FBXO27: variants seen among roughly 807,000 people sequenced by gnomAD.
FBXO27 encodes F-box only protein 27.
In FBXO27, 28 loss-of-function variants were observed where a neutral mutation model predicts 28.3. That is an observed-to-expected ratio of 0.99 (90% CI 0.73 to 1.36). FBXO27 has a LOEUF of 1.36. Among genes scored for constraint, FBXO27 ranks in the 40% most tolerant of loss-of-function variants. The pLI is 0.00. For missense variants in FBXO27, 388 were observed against 394.1 expected (o/e 0.98, Z 0.13); for synonymous variants, 175 against 167.3 (o/e 1.05, Z -0.36).
chr19:39,018,356 G>A (rs1263254060), intron 1 of FBXO27, among the ~76,000 whole-genome samples: 3 of 152,184 alleles, frequency 2.0e-5, no homozygotes, highest in Non-Finnish European at 4.4e-5. Flanking sequence ...TTATTGCAGT[G>A]AGCTGAAGTG....
At position 39,025,543 on chromosome 19, in the gene FBXO27, C is replaced by A; in HGVS notation, c.720G>T (p.Val240=). ...NNNACLHVTH[V]FSNIKMGVRF... Reference sequence around the variant, plus strand: ...GGACGCCCATCTTGATGTTGGAGAACACGTGGGTGACCTGTAGGCAGAGGA... The same window carrying A: ...GGACGCCCATCTTGATGTTGGAGAAAACGTGGGTGACCTGTAGGCAGAGGA... The change falls in exon 6 of 6, where the codon GTG becomes GTT. Residue 240 remains valine, a synonymous_variant. Transcript: ENST00000292853. 1 of 1,613,700 alleles carries A rather than the reference C, an allele frequency of 6.2e-7. No individual in the cohort carries two copies. The highest frequency in any genetic ancestry group is 1.1e-5 in the South Asian group (1 of 90,974).
chr19:39,015,415 G>A (rs1210937683), intron 1 of FBXO27, among the ~76,000 whole-genome samples: 1 of 148,596 alleles, frequency 6.7e-6, no homozygotes, highest in Non-Finnish European at 1.5e-5. Flanking sequence ...CGGATTGCTT[G>A]AGCCCAAGTG....
chr19:39,021,475 A>C (rs979115756), downstream of FBXO27, among the ~76,000 whole-genome samples: 6 of 152,142 alleles, frequency 3.9e-5, no homozygotes, highest in Non-Finnish European at 8.8e-5. Context: ...TGAATAGTAA[A>C]TGTACTTTCT....
chr19:39,026,188 G>A (rs2072872104), intron 5 of FBXO27, among the ~76,000 whole-genome samples: 1 of 152,092 alleles, frequency 6.6e-6, no homozygotes, highest in Admixed American at 6.6e-5. Flanking sequence ...CCTCCTCCCT[G>A]AGCAACCACA....
chr19:39,007,057 C>CAA (rs34457510), intron 2 of FBXO27, among the ~76,000 whole-genome samples: 25,734 of 57,202 alleles, frequency 0.45, 5,450 homozygotes, highest in Middle Eastern at 0.53. Context: ...TGGGTGTCTC[C>CAA]AAAAAAAAAA....
intron 1 of FBXO27, among the ~76,000 whole-genome samples, chr19:39,015,667 G>A (rs181565131): frequency 1.3e-5 from 2 of 152,206 alleles, no homozygotes; most frequent in African/African-American, 4.8e-5. Context: ...AAGACCTGGA[G>A]GAACCTTAAC....
intron 1 of FBXO27, among the ~76,000 whole-genome samples, chr19:39,016,087 C>T (rs766105873): frequency 5.9e-5 from 9 of 152,068 alleles, no homozygotes; most frequent in African/African-American, 1.2e-4. Flanking sequence ...AAATACAAAA[C>T]GAAACAAACA....
intron 1 of FBXO27, among the ~76,000 whole-genome samples, chr19:39,015,349 G>T (rs1234836674): frequency 2.3e-5 from 3 of 130,038 alleles, no homozygotes; most frequent in East Asian, 2.2e-4. Context: ...AAAAAAAAAA[G>T]GCTGAGTGTG....
intron 4 of FBXO27, among the ~76,000 whole-genome samples, chr19:39,027,966 C>T (rs1361959788): frequency 2.0e-5 from 3 of 151,886 alleles, no homozygotes; most frequent in Non-Finnish European, 2.9e-5. Flanking sequence ...CCTGTCTGGG[C>T]GAGGTGGCTC....
chr19:39,031,003 G>A, intron 4 of FBXO27, 26 bp downstream of exon 4: 2 of 1,591,828 alleles, frequency 1.3e-6, no homozygotes, highest in Non-Finnish European at 1.7e-6. Context: ...TGCTTAGCAA[G>A]GGGCTATTTT....
intron 4 of FBXO27, among the ~76,000 whole-genome samples, chr19:39,027,661 T>C (rs1174660563): frequency 6.6e-6 from 1 of 151,954 alleles, no homozygotes; most frequent in Admixed American, 6.6e-5. Context: ...GAAGGTGGTT[T>C]TGGAAGTCCT....
At chr19:39,011,519 C>T (rs1448527316) in intron 2 of FBXO27, among the ~76,000 whole-genome samples, 3 of 152,160 alleles carry the variant, frequency 2.0e-5, no homozygotes, top group African/African-American at 2.4e-5. Flanking sequence ...TAAAGTCTTC[C>T]AGTTGATGAA....
intron 4 of FBXO27, among the ~76,000 whole-genome samples, chr19:39,030,112 G>C (rs2072894134): frequency 6.6e-6 from 1 of 152,082 alleles, no homozygotes; most frequent in South Asian, 2.1e-4. Flanking sequence ...AGAGTGCTGG[G>C]ATTACAGGCA....
chr19:39,017,927 T>C (rs564053379), intron 1 of FBXO27, among the ~76,000 whole-genome samples: 57 of 152,156 alleles, frequency 3.7e-4, no homozygotes, highest in Non-Finnish European at 6.3e-4. Context: ...CAAGTCCTTA[T>C]ATAAAATGCA....
chr19:39,007,101 G>A (rs984805436), intron 2 of FBXO27, among the ~76,000 whole-genome samples: 22 of 148,216 alleles, frequency 1.5e-4, no homozygotes, highest in African/African-American at 5.0e-4. Context: ...CAATCCCAGA[G>A]GGCACACGTG....
downstream of FBXO27, among the ~76,000 whole-genome samples, chr19:39,019,070 A>C (rs1600224831): frequency 8.1e-3 from 1 of 124 alleles, no homozygotes; most frequent in Non-Finnish European, 0.025. Flanking sequence ...CTCTATCACA[A>C]AAAAAAAAAA....
downstream of FBXO27, among the ~76,000 whole-genome samples, chr19:39,021,954 T>A (rs1194735976): frequency 6.6e-6 from 1 of 151,790 alleles, no homozygotes; most frequent in African/African-American, 2.4e-5. Context: ...AGCCACCACA[T>A]CCGGCTATCC....
intron 4 of FBXO27, among the ~76,000 whole-genome samples, chr19:39,027,946 A>G (rs577352902): frequency 9.2e-5 from 14 of 152,128 alleles, no homozygotes; most frequent in Admixed American, 7.2e-4. Flanking sequence ...ACTTCTCACA[A>G]ATATTGATGC....
chr19:39,016,592 GAAA>G (rs34873154), intron 1 of FBXO27, among the ~76,000 whole-genome samples: 1 of 112,332 alleles, frequency 8.9e-6, no homozygotes, highest in Non-Finnish European at 1.7e-5. Flanking sequence ...TCTCTAATTT[GAAA>G]AAAAAAAAAA....
Sources: gnomAD v4.1 joint callset for allele counts (sites outside exome capture counted in the v4.1 genomes callset) on GRCh38, gnomAD v4.1.1 for gene constraint, MANE v1.5 for transcripts, NCBI Gene and HGNC (gene_info 2026-07-23, HGNC 2026-07-21) for gene names.